The following INF2 variants were observed in gnomAD, a reference collection of about 807,000 sequenced individuals.
INF2 encodes inverted formin-2.
Under a neutral mutation model 123.5 loss-of-function variants are expected in INF2, and 43 were observed. The observed-to-expected ratio is 0.35, with a 90% CI of 0.27 to 0.45. The LOEUF (loss-of-function observed/expected upper bound fraction) is 0.45, where lower values mean the gene tolerates loss of function less well. Among genes scored for constraint, INF2 ranks in the 20% least tolerant of loss-of-function variants. The probability of loss-of-function intolerance (pLI) is 1.00; values close to 1 mark genes in which losing one functional copy is unlikely to be tolerated. For synonymous variants in INF2, 851 were observed against 745.0 expected, an observed-to-expected ratio of 1.14 and a Z score of -2.32; for missense variants, 1,453 against 1,682.7, an observed-to-expected ratio of 0.86 and a Z score of 2.39.
rs886050385 is a variant in INF2, at chr14:104,719,608, C to T, written c.*815C>T. 6.6e-6 allele frequency: 1 copy of T among 152,280 alleles called. No individual in the cohort carries two copies. The highest frequency in any genetic ancestry group is 1.5e-5 in the Non-Finnish European group (1 of 68,094). 9.4% of individuals were successfully genotyped at this position (152,280 alleles called of 1,614,324 possible). A position where few individuals can be genotyped will look rare whatever the true frequency, so the allele number is the denominator to read the frequency against. On this transcript the variant is annotated 3_prime_UTR_variant, in exon 23 of 23. Coordinates refer to ENST00000392634, the MANE Select transcript of INF2 (RefSeq NM_022489.4). ...TGGCCAATAAAAAGCAGACCTAGCCCGGTGTGCGACTGTCGTGTTCAGAGG... is the reference window on the plus strand; with the variant it reads ...TGGCCAATAAAAAGCAGACCTAGCCTGGTGTGCGACTGTCGTGTTCAGAGG...
At chr14:104,702,178 CCAGA>C (rs1395013306) in intron 2 of INF2, among the ~76,000 whole-genome samples, 39 of 152,134 alleles carry the variant, frequency 2.6e-4, no homozygotes, top group Non-Finnish European at 2.8e-4. Context: ...CAGCCTCAGC[CCAGA>C]CAGAGCCCTT....
intron 22 of INF2, 124 bp from the exon 23 acceptor site, chr14:104,718,671 C>A (rs1294867690): frequency 5.9e-6 from 9 of 1,518,690 alleles, no homozygotes; most frequent in East Asian, 2.5e-5. Flanking sequence ...ACCTGCGATG[C>A]ATGGCACAAC....
chr14:104,712,013 G>T (rs1271848940), intron 16 of INF2, among the ~76,000 whole-genome samples: 1 of 152,144 alleles, frequency 6.6e-6, no homozygotes, highest in Non-Finnish European at 1.5e-5. Context: ...GCAGGCTCGG[G>T]CCTCCCTCAT....
intron 5 of INF2, chr14:104,704,398 A>C (rs1206783939): frequency 8.5e-6 from 2 of 234,530 alleles, no homozygotes; most frequent in Non-Finnish European, 8.4e-6. Context: ...TGTCAGGCCC[A>C]CTAGAACAAG....
At position 104,701,699 on chromosome 14, in the gene INF2, C is replaced by A; in HGVS notation, c.334C>A (p.Arg112=). ...VSCVRAVMNS[R]QGIEYILSNQ... ...CTGCGTGCGCGCCGTCATGAACTCG[C>A]GGCAGGGCATCGAGTACATCCTCAG... The change falls in exon 2 of 23, where the codon CGG becomes AGG. Residue 112 remains arginine, a synonymous_variant. Coordinates refer to ENST00000392634, the MANE Select transcript of INF2 (RefSeq NM_022489.4). 6.4e-7 allele frequency: 1 copy of A among 1,556,620 alleles called. No individual in the cohort carries two copies. The highest frequency in any genetic ancestry group is 8.7e-7 in the Non-Finnish European group (1 of 1,151,308).
At chr14:104,706,252 G>T (rs1250677057) in intron 6 of INF2, 76 bp downstream of exon 6, 1 of 1,434,770 alleles carries the variant, frequency 7.0e-7, no homozygotes, top group South Asian at 1.3e-5. Context: ...GCTGGGCCTG[G>T]AACGGTCCTC....
intron 12 of INF2, 60 bp from the exon 13 acceptor site, chr14:104,710,028 C>T: frequency 7.3e-7 from 1 of 1,375,472 alleles, no homozygotes; most frequent in Non-Finnish European, 1.0e-6. Context: ...TGCTGAGTGC[C>T]CCTCTGGCAG....
chr14:104,689,346 G>A (rs1888810862), upstream of INF2: 5 of 795,630 alleles, frequency 6.3e-6, no homozygotes, highest in Non-Finnish European at 7.6e-6. Flanking sequence ...GGGCTGAGGC[G>A]GGAGACGGCC....
intron 22 of INF2, among the ~76,000 whole-genome samples, chr14:104,718,361 C>G (rs1890411572): frequency 6.6e-6 from 1 of 152,140 alleles, no homozygotes; most frequent in African/African-American, 2.4e-5. Context: ...CAGGGCTGAG[C>G]GCCCTCAGCA....
Position 104,706,315 on chromosome 14 carries a change from T to G in INF2, c.843+139T>G, listed in dbSNP as rs1595169652. On this transcript the variant is annotated intron_variant, in intron 6 of 22. Transcript: ENST00000392634. ...CTGGGCCATGGTGCCAGCTTTGGGGTGAGACTCCAGGGAGCAGCAAGGACC... is the reference window on the plus strand; with the variant it reads ...CTGGGCCATGGTGCCAGCTTTGGGGGGAGACTCCAGGGAGCAGCAAGGACC... 21 of 930,802 alleles carry G rather than the reference T, an allele frequency of 2.3e-5. No individual in the cohort carries two copies. The South Asian group carries it at 2.9e-4, about 13-fold the overall frequency. 57.7% of individuals were successfully genotyped at this position (930,802 alleles called of 1,614,324 possible).
At chr14:104,718,314 T>G (rs1890409273) in intron 22 of INF2, among the ~76,000 whole-genome samples, 2 of 151,560 alleles carry the variant, frequency 1.3e-5, no homozygotes, top group African/African-American at 4.9e-5. Context: ...TGTGGGGCCA[T>G]GTGTGGGGGC....
intron 5 of INF2, 66 bp downstream of exon 5, chr14:104,704,015 C>T (rs1425797487): frequency 1.9e-6 from 3 of 1,601,450 alleles, no homozygotes; most frequent in East Asian, 2.2e-5. Context: ...CCCACCTGCC[C>T]TTTGGCTCCC....
chr14:104,683,164 G>A (rs1015506851), intron 1 of INF2, among the ~76,000 whole-genome samples: 1 of 151,934 alleles, frequency 6.6e-6, no homozygotes, highest in Non-Finnish European at 1.5e-5. Flanking sequence ...CTGGGGGAGG[G>A]GTCTGCGGGT....
chr14:104,683,221 G>A (rs990549482), intron 1 of INF2, among the ~76,000 whole-genome samples: 19 of 152,118 alleles, frequency 1.2e-4, no homozygotes, highest in African/African-American at 4.3e-4. Context: ...GGGGCCCTGG[G>A]GAGGCAGCAC....
intron 1 of INF2, chr14:104,683,937 G>A (rs184249581): frequency 5.1e-4 from 213 of 419,410 alleles, no homozygotes; most frequent in African/African-American, 3.5e-3. Flanking sequence ...GTTGGGGTGC[G>A]GGTGGGTCTC....
At chr14:104,713,952 G>A (rs1426098814) in intron 20 of INF2, among the ~76,000 whole-genome samples, 1 of 152,252 alleles carries the variant, frequency 6.6e-6, no homozygotes, top group African/African-American at 2.4e-5. Flanking sequence ...CAAGGCCCTG[G>A]TGGGAGGACC....
chr14:104,712,283 C>A, intron 16 of INF2, 150 bp from the exon 17 acceptor site: 2 of 1,034,552 alleles, frequency 1.9e-6, no homozygotes, highest in Admixed American at 2.2e-5. Context: ...CTGGAACAGG[C>A]ACTCAACCCC....
At position 104,714,687 on chromosome 14, in the gene INF2, CGAG is replaced by C. The variant is rs773372628; in HGVS notation, c.3531_3533del (p.Glu1177del). On this transcript the variant is annotated inframe_deletion, in exon 21 of 23. Transcript: ENST00000392634. ...GCCCAGGTGGGGATGAGGACGAGGA[CGAG>C]GAGGACACGGCCCCAGAGTCCGCAC... 1.2e-6 allele frequency: 2 copies of C among 1,611,340 alleles called. No homozygotes were observed. The highest frequency in any genetic ancestry group is 8.5e-7 in the Non-Finnish European group (1 of 1,178,930).
rs1053817414 is a variant in INF2, at chr14:104,714,294, C to T, written c.3132C>T (p.Ser1044=). Residue 1044 remains serine, a synonymous_variant, in exon 21 of 23, where the codon TCC becomes TCT. Transcript: ENST00000392634. ...PGLDATTASE[S]RGWDLVDAVT... ...TTGATGCTACAACAGCCAGCGAGTC[C>T]CGGGGCTGGGACCTTGTAGACGCCG... is the stretch of plus-strand genomic sequence containing the variant. 6.3e-7 allele frequency: 1 copy of T among 1,592,534 alleles called. No individual in the cohort carries two copies. The highest frequency in any genetic ancestry group is 1.3e-5 in the African/African-American group (1 of 74,446).
Sources: allele counts gnomAD v4.1 joint callset (sites outside exome capture counted in the v4.1 genomes callset), GRCh38; gene constraint gnomAD v4.1.1; transcripts MANE v1.5; gene names NCBI Gene and HGNC (gene_info 2026-07-23, HGNC 2026-07-21).